The following VPS13D variants were observed in gnomAD, a reference collection of about 807,000 sequenced individuals.
VPS13D encodes the protein vacuolar protein sorting 13 homolog D.
A neutral mutation model predicts 461.9 loss-of-function variants in VPS13D; 187 were observed. The ratio of observed to expected loss-of-function variants is 0.40; its 90% confidence interval spans 0.36 to 0.46. The LOEUF is 0.46. VPS13D is among the 20% of genes least tolerant of loss of function. The pLI is 0.60. For missense variants in VPS13D, 4,711 were observed against 5,364.9 expected (o/e 0.88, Z 3.81); for synonymous variants, 1,951 against 1,986.3 (o/e 0.98, Z 0.47).
chr1:12,363,312 A>G, intron 52 of VPS13D, 65 bp downstream of exon 52: 1 of 1,524,002 alleles, frequency 6.6e-7, no homozygotes, highest in Non-Finnish European at 8.9e-7. Flanking sequence ...TACTGTAATA[A>G]CAAGCCTTGT....
chr1:12,269,685 G>A (rs1641377228), intron 16 of VPS13D, among the ~76,000 whole-genome samples: 1 of 152,174 alleles, frequency 6.6e-6, no homozygotes, highest in Non-Finnish European at 1.5e-5. Context: ...AGTAGGTGCA[G>A]AAAAAATACT....
At chr1:12,471,117 A>G (rs1645557343) in intron 67 of VPS13D, among the ~76,000 whole-genome samples, 1 of 152,210 alleles carries the variant, frequency 6.6e-6, no homozygotes, top group East Asian at 1.9e-4. Context: ...CCTGGCCAAC[A>G]TGATGAAATC....
intron 23 of VPS13D, among the ~76,000 whole-genome samples, chr1:12,291,778 G>T (rs1402750790): frequency 6.6e-6 from 1 of 152,212 alleles, no homozygotes; most frequent in Non-Finnish European, 1.5e-5. Flanking sequence ...ATATTAAGGG[G>T]ACTGAATCAT....
rs762887555 is a variant in VPS13D at position 12,507,142 on chromosome 1, C to T, written c.13035+49C>T. The T allele has an allele frequency of 9.3e-6, 15 of 1,611,252 alleles. No homozygotes were observed. The East Asian group carries it at 1.1e-4, about 12-fold the overall frequency. On this transcript the variant is annotated intron_variant, in intron 69 of 69. Transcript: ENST00000620676. The surrounding 1 kb of genome is among the most constrained non-coding windows in gnomAD (Gnocchi z 5.3). ...CTCCTGAGGGGCGGGGCCAGGGCCT[C>T]GATGCCTCTGCCCTGCTTCCCCGTC...
chr1:12,238,451 T>A (rs934102539), intron 2 of VPS13D, among the ~76,000 whole-genome samples: 2 of 151,432 alleles, frequency 1.3e-5, no homozygotes, highest in South Asian at 4.2e-4. Context: ...AAAATAGTAA[T>A]AATAATAAAA....
At chr1:12,331,542 C>CT (rs1643331875) in intron 37 of VPS13D, among the ~76,000 whole-genome samples, 1 of 150,698 alleles carries the variant, frequency 6.6e-6, no homozygotes, top group Admixed American at 6.6e-5. Flanking sequence ...CCCATCTCTA[C>CT]TAAAAAAAAA....
chr1:12,477,229 T>C (rs1645644115), intron 67 of VPS13D, among the ~76,000 whole-genome samples: 1 of 151,362 alleles, frequency 6.6e-6, no homozygotes, highest in Admixed American at 6.6e-5. Flanking sequence ...CTGCTCCTCT[T>C]ATACCTTTGG....
intron 54 of VPS13D, among the ~76,000 whole-genome samples, chr1:12,370,674 A>G (rs1019501624): frequency 3.9e-5 from 6 of 152,216 alleles, no homozygotes; most frequent in South Asian, 2.1e-4. Flanking sequence ...AATTGAGTCA[A>G]TATGTTTGTT....
At chr1:12,245,561 A>G (rs1384785682) in intron 5 of VPS13D, among the ~76,000 whole-genome samples, 3 of 152,160 alleles carry the variant, frequency 2.0e-5, no homozygotes, top group Admixed American at 1.3e-4. Flanking sequence ...TCATCCCAAC[A>G]GGTAGTCACT....
At position 12,403,989 on chromosome 1, in the gene VPS13D, G is replaced by C; in HGVS notation, c.12030+16G>C. 1 of 1,563,088 alleles carries C rather than the reference G, an allele frequency of 6.4e-7. No homozygotes were observed. Among genetic ancestry groups the C allele is most frequent in the Non-Finnish European group, 8.6e-7 (1 of 1,159,114 alleles). On this transcript the variant is annotated intron_variant, in intron 63 of 69. Coordinates refer to ENST00000620676, the MANE Select transcript of VPS13D (RefSeq NM_015378.4). ...GGATCTTAAGGTGAGCTGCTATTTG[G>C]GTAAATTTTTTTAGATGATTTTTCC... is the stretch of plus-strand genomic sequence containing the variant.
chr1:12,325,837 T>C (rs1379193872), intron 35 of VPS13D, among the ~76,000 whole-genome samples: 2 of 152,186 alleles, frequency 1.3e-5, no homozygotes, highest in African/African-American at 4.8e-5. Context: ...TTCAATATTA[T>C]ACACACTTCT....
intron 55 of VPS13D, among the ~76,000 whole-genome samples, chr1:12,375,819 G>T (rs1324766745): frequency 6.6e-6 from 1 of 152,078 alleles, no homozygotes; most frequent in Non-Finnish European, 1.5e-5. Flanking sequence ...TTCCACATGC[G>T]CTTTAACAAT....
At chr1:12,498,675 A>C (rs1645993501) in intron 68 of VPS13D, among the ~76,000 whole-genome samples, 1 of 152,152 alleles carries the variant, frequency 6.6e-6, no homozygotes, top group Non-Finnish European at 1.5e-5. Context: ...TAAGCAACAG[A>C]AATTTGTCTT....
chr1:12,334,009 G>C (rs541950796), intron 38 of VPS13D, among the ~76,000 whole-genome samples: 22 of 152,282 alleles, frequency 1.4e-4, no homozygotes, highest in Non-Finnish European at 2.5e-4. Context: ...TTGATTTATT[G>C]ATCTACTTGA....
At chr1:12,365,347 T>C (rs1383409742) in intron 52 of VPS13D, among the ~76,000 whole-genome samples, 1 of 152,214 alleles carries the variant, frequency 6.6e-6, no homozygotes, top group Non-Finnish European at 1.5e-5. Context: ...TTTGTAGTAT[T>C]GACATCTTAA....
intron 53 of VPS13D, among the ~76,000 whole-genome samples, chr1:12,368,819 A>G (rs1276064056): frequency 6.6e-6 from 1 of 152,184 alleles, no homozygotes; most frequent in Non-Finnish European, 1.5e-5. Flanking sequence ...GTAATCTTTT[A>G]GCTCCCAGAT....
At chr1:12,350,169 T>C (rs972877432) in intron 46 of VPS13D, among the ~76,000 whole-genome samples, 4 of 152,210 alleles carry the variant, frequency 2.6e-5, no homozygotes, top group Admixed American at 1.3e-4. Flanking sequence ...ATGTAAAAGA[T>C]TTGAACAATG....
chr1:12,316,878 C>T (rs1001336987), intron 30 of VPS13D, among the ~76,000 whole-genome samples: 16 of 152,070 alleles, frequency 1.1e-4, no homozygotes, highest in African/African-American at 3.9e-4. Context: ...GCTGGGCCTG[C>T]TGATGTACTA....
intron 63 of VPS13D, among the ~76,000 whole-genome samples, chr1:12,408,520 T>C (rs1644684317): frequency 6.6e-6 from 1 of 152,098 alleles, no homozygotes. Context: ...CGTGCCACCA[T>C]GCCTGGCTAA....
Sources: allele counts gnomAD v4.1 joint callset (sites outside exome capture counted in the v4.1 genomes callset), GRCh38; gene constraint gnomAD v4.1.1; non-coding constraint Gnocchi (gnomAD v3.1); transcripts MANE v1.5; gene names NCBI Gene and HGNC (gene_info 2026-07-23, HGNC 2026-07-21).